Variants in NEDD9 observed in about 807,000 individuals in gnomAD.
NEDD9 encodes enhancer of filamentation 1.
A neutral mutation model predicts 76.6 loss-of-function variants in NEDD9; 26 were observed. The observed-to-expected ratio is 0.34, with a 90% CI of 0.25 to 0.47. The LOEUF is 0.47. Ranked by LOEUF, NEDD9 falls within the 20% of genes least tolerant of loss-of-function variation. NEDD9 has a pLI of 1.00. For synonymous variants in NEDD9, 392 were observed against 414.2 expected, an observed-to-expected ratio of 0.95 and a Z score of 0.65; for missense variants, 937 against 1,058.5, an observed-to-expected ratio of 0.89 and a Z score of 1.59.
chr6:11,213,874 T>C lies in NEDD9; in HGVS notation c.13-147A>G, dbSNP rs950697898. ...AATAGACTGTAAGGAGAAAAACAGA[T>C]GGTGCAGACAAAAGACAGATACATA... On this transcript the variant is annotated intron_variant, in intron 1 of 6. Transcript: ENST00000379446. The surrounding 1 kb of genome is among the most constrained non-coding windows in gnomAD (Gnocchi z 5.4). 1 of 717,088 alleles carries C rather than the reference T, an allele frequency of 1.4e-6. No homozygotes were observed. The highest frequency in any genetic ancestry group is 1.8e-5 in the African/African-American group (1 of 56,068). The allele number at this position is 717,088 out of a possible 1,614,324, so 44.4% of individuals were successfully genotyped here.
chr6:11,310,389 T>C (rs1178778172), intron 2 of NEDD9, among the ~76,000 whole-genome samples: 1 of 152,104 alleles, frequency 6.6e-6, no homozygotes, highest in Non-Finnish European at 1.5e-5. Context: ...TCCTTGCCGT[T>C]TGTCCTTTTA....
chr6:11,354,758 T>C (rs1461981675), intron 1 of NEDD9, among the ~76,000 whole-genome samples: 1 of 152,170 alleles, frequency 6.6e-6, no homozygotes, highest in Non-Finnish European at 1.5e-5. Flanking sequence ...AATCAGAGTA[T>C]TCCATTGTCC....
intron 3 of NEDD9, among the ~76,000 whole-genome samples, chr6:11,278,923 T>TA (rs369418771): frequency 0.017 from 2,427 of 146,170 alleles, 56 homozygotes; most frequent in African/African-American, 0.054. Flanking sequence ...GATAAAGAGT[T>TA]AAAAAAAAAA....
intron 3 of NEDD9, among the ~76,000 whole-genome samples, chr6:11,301,463 CAGA>C (rs1269861530): frequency 1.3e-5 from 2 of 152,172 alleles, no homozygotes; most frequent in Non-Finnish European, 2.9e-5. Context: ...ATCAATGAGA[CAGA>C]AGGTTAACAA....
At chr6:11,218,659 T>C in intron 1 of NEDD9, among the ~76,000 whole-genome samples, 1 of 152,214 alleles carries the variant, frequency 6.6e-6, no homozygotes, top group Non-Finnish European at 1.5e-5. Flanking sequence ...GACTCTGATT[T>C]CCTCATTGTC....
rs141623855 is a variant in NEDD9, at chr6:11,376,269, C to T, written c.-214+5870G>A. Reference sequence around the variant, plus strand: ...TGAAAATGTGGAAGTGACTTTGGAACGGGGTAAGGGAGAGGCTGGAAGAGT... The same window carrying T: ...TGAAAATGTGGAAGTGACTTTGGAATGGGGTAAGGGAGAGGCTGGAAGAGT... On this transcript the variant is annotated intron_variant, in intron 1 of 3. Transcript: ENST00000397378. Among the ~76,000 whole-genome samples, 434 of 152,064 alleles carry T rather than the reference C, an allele frequency of 2.9e-3. 3 individuals are homozygous for T. The highest frequency in any genetic ancestry group is 9.6e-3 in the African/African-American group (397 of 41,452).
intron 2 of NEDD9, among the ~76,000 whole-genome samples, chr6:11,330,759 A>G (rs894303781): frequency 6.6e-6 from 1 of 152,214 alleles, no homozygotes; most frequent in Non-Finnish European, 1.5e-5. Flanking sequence ...TTAAAGCAAT[A>G]CTAAACCACA....
intron 2 of NEDD9, among the ~76,000 whole-genome samples, chr6:11,316,258 C>A (rs1211235181): frequency 1.3e-5 from 2 of 152,186 alleles, no homozygotes; most frequent in Admixed American, 6.5e-5. Flanking sequence ...GGTGCCCCAC[C>A]CAAGTAAGTT....
intron 2 of NEDD9, among the ~76,000 whole-genome samples, chr6:11,314,536 A>G (rs79231131): frequency 0.018 from 2,717 of 152,300 alleles, 37 homozygotes; most frequent in Admixed American, 0.028. Flanking sequence ...TGAGCAAGGC[A>G]GCTTTTATGC....
In NEDD9 at chr6:11,217,194, A is replaced by G. The variant is rs547107455; in HGVS notation, c.13-3467T>C. ...TAACAGCCAAATGAATTTCAGCTGG[A>G]CCATAAACCATCTCATTCAAAAGTG... On this transcript the variant is annotated intron_variant, in intron 1 of 6. Transcript: ENST00000379446. Among the ~76,000 whole-genome samples the G allele has an allele frequency of 2.0e-5, 3 of 152,364 alleles. 1 individual carries two copies. In the East Asian group the frequency reaches 5.8e-4, roughly 29 times the overall value.
chr6:11,362,354 T>C (rs553347076), intron 1 of NEDD9, among the ~76,000 whole-genome samples: 1 of 152,332 alleles, frequency 6.6e-6, no homozygotes, highest in South Asian at 2.1e-4. Flanking sequence ...TCCAAACTTA[T>C]GAGTACACTG....
chr6:11,223,010 GT>G (rs1759192445), intron 1 of NEDD9, among the ~76,000 whole-genome samples: 1 of 150,402 alleles, frequency 6.6e-6, no homozygotes, highest in African/African-American at 2.5e-5. Context: ...GGTTGTCACT[GT>G]GTGTGTGTGT....
rs540662883 is a variant in NEDD9, at chr6:11,227,611, C to T, written c.12+4893G>A. Among the ~76,000 whole-genome samples the T allele has an allele frequency of 1.4e-3, 216 of 152,310 alleles. 1 individual carries two copies. Among genetic ancestry groups the T allele is most frequent in the Non-Finnish European group, 2.6e-3 (179 of 68,030 alleles). ...CCTCAAAACTTCACAGACCCTAGAT[C>T]ATGTTTTTTATTCAAGGACTTTTCG... On this transcript the variant is annotated intron_variant, in intron 1 of 6. Coordinates refer to ENST00000379446, the MANE Select transcript of NEDD9 (RefSeq NM_006403.4).
At chr6:11,203,644 G>T (rs542924843) in intron 2 of NEDD9, among the ~76,000 whole-genome samples, 2 of 152,336 alleles carry the variant, frequency 1.3e-5, no homozygotes, top group African/African-American at 4.8e-5. Flanking sequence ...AAAATGGGCA[G>T]AAAACAATGA....
At chr6:11,245,575 C>G (rs189841656) in intron 3 of NEDD9, among the ~76,000 whole-genome samples, 39 of 152,300 alleles carry the variant, frequency 2.6e-4, no homozygotes, top group African/African-American at 8.4e-4. Context: ...GGCTGCCCTA[C>G]TTCTTAAATA....
upstream of NEDD9, among the ~76,000 whole-genome samples, chr6:11,233,883 A>AT (rs80125022): frequency 4.0e-4 from 59 of 147,170 alleles, no homozygotes; most frequent in Middle Eastern, 3.6e-3. Flanking sequence ...ATCAGCCCTT[A>AT]TTTTTTTTTT....
chr6:11,297,911 CTTT>C (rs3067297), intron 3 of NEDD9, among the ~76,000 whole-genome samples: 1 of 140,622 alleles, frequency 7.1e-6, no homozygotes. Context: ...TTTTTCTTTT[CTTT>C]TTTTTTTTTT....
rs548691090 is a variant in NEDD9 at position 11,269,664 on chromosome 6, G to A, written c.12+36328C>T. ...ATATATGTAGTTTCTGGGTTGTTTC[G>A]GTCTGTCATTATTTCCAAAGATAAA... On this transcript the variant is annotated intron_variant, in intron 3 of 3. Transcript: ENST00000397378. Among the ~76,000 whole-genome samples, 12 of 151,732 alleles carry A rather than the reference G, an allele frequency of 7.9e-5. No homozygotes were observed. In the East Asian group the frequency reaches 1.7e-3, roughly 22 times the overall value.
At chr6:11,193,951 C>A (rs1344106119) in intron 2 of NEDD9, among the ~76,000 whole-genome samples, 1 of 151,914 alleles carries the variant, frequency 6.6e-6, no homozygotes, top group Non-Finnish European at 1.5e-5. Flanking sequence ...CCTCTGCCTC[C>A]CGGGTTCAAG....
Sources: gnomAD v4.1 joint callset for allele counts (sites outside exome capture counted in the v4.1 genomes callset) on GRCh38, gnomAD v4.1.1 for gene constraint, Gnocchi (gnomAD v3.1) non-coding constraint, MANE v1.5 for transcripts, NCBI Gene and HGNC (gene_info 2026-07-23, HGNC 2026-07-21) for gene names.